The following LGSN variants were observed in gnomAD, a reference collection of about 807,000 sequenced individuals.
The protein encoded by LGSN is lengsin.
A neutral mutation model predicts 19.5 loss-of-function variants in LGSN; 21 were observed. The ratio of observed to expected loss-of-function variants is 1.07; its 90% CI spans 0.76 to 1.55. The LOEUF is 1.55. LGSN is among the 40% of genes most tolerant of loss of function. The probability of loss-of-function intolerance (pLI) is 0.00; values close to 1 mark genes in which losing one functional copy is unlikely to be tolerated. For synonymous variants in LGSN, 257 were observed against 215.6 expected (o/e 1.19, Z -1.68); for missense variants, 673 against 608.5 (o/e 1.11, Z -1.12).
At chr6:63,372,204 G>T in the LGSN span, among the ~76,000 whole-genome samples, 1 of 152,284 alleles carries the variant, frequency 6.6e-6, no homozygotes, top group African/African-American at 2.4e-5. Flanking sequence ...AAGACCCCAG[G>T]TGGGCTGCTT....
chr6:63,459,738 A>T, the LGSN span, among the ~76,000 whole-genome samples: 1 of 152,030 alleles, frequency 6.6e-6, no homozygotes, highest in African/African-American at 2.4e-5. Flanking sequence ...ACATGATGAA[A>T]CCCTGTCTCT....
At chr6:63,469,609 A>G in the LGSN span, among the ~76,000 whole-genome samples, 1 of 152,236 alleles carries the variant, frequency 6.6e-6, no homozygotes, top group Non-Finnish European at 1.5e-5. Flanking sequence ...GTTGGAATTT[A>G]TCATACTGGA....
chr6:63,494,208 C>T, the LGSN span, among the ~76,000 whole-genome samples: 6 of 152,052 alleles, frequency 3.9e-5, no homozygotes, highest in Admixed American at 6.6e-5. Context: ...CCTCAGCCTC[C>T]TAAAGTGCTG....
chr6:63,506,510 TC>T, the LGSN span, among the ~76,000 whole-genome samples: 39 of 151,750 alleles, frequency 2.6e-4, no homozygotes, highest in East Asian at 7.6e-3. Context: ...TGATCCACCC[TC>T]CTTGGCCTCC....
the LGSN span, among the ~76,000 whole-genome samples, chr6:63,420,732 T>C: frequency 2.7e-3 from 405 of 152,276 alleles, 1 homozygote; most frequent in African/African-American, 7.6e-3. Flanking sequence ...CAGGTTTCCA[T>C]TGAAAATCAT....
chr6:63,400,649 C>T, the LGSN span, among the ~76,000 whole-genome samples: 2 of 152,200 alleles, frequency 1.3e-5, no homozygotes, highest in Non-Finnish European at 2.9e-5. Context: ...GTCCATCAAA[C>T]TGGCATCATT....
chr6:63,477,692 T>TC, the LGSN span, among the ~76,000 whole-genome samples: 4 of 109,746 alleles, frequency 3.6e-5, no homozygotes, highest in Non-Finnish European at 6.8e-5. Context: ...TTTTTCTTTT[T>TC]TTTTTTTTTT....
At chr6:63,407,138 C>A in the LGSN span, among the ~76,000 whole-genome samples, 1 of 151,758 alleles carries the variant, frequency 6.6e-6, no homozygotes, top group Non-Finnish European at 1.5e-5. Context: ...GAAACTATTC[C>A]AATCAATAGA....
chr6:63,472,706 T>C, the LGSN span, among the ~76,000 whole-genome samples: 70,304 of 151,672 alleles, frequency 0.46, 18,082 homozygotes, highest in Non-Finnish European at 0.56. Flanking sequence ...TTTGGGAGGC[T>C]GAGATGGGCA....
At chr6:63,286,624 C>T (rs1273686420) in intron 2 of LGSN, among the ~76,000 whole-genome samples, 2 of 152,094 alleles carry the variant, frequency 1.3e-5, no homozygotes, top group Non-Finnish European at 2.9e-5. Context: ...TGGCTTATTA[C>T]CACAAATTAA....
chr6:63,491,921 C>T, the LGSN span, among the ~76,000 whole-genome samples: 5 of 151,624 alleles, frequency 3.3e-5, no homozygotes, highest in South Asian at 4.2e-4. Flanking sequence ...CCCATCTACT[C>T]GGGAGGCTGA....
the LGSN span, among the ~76,000 whole-genome samples, chr6:63,388,268 T>A: frequency 6.6e-6 from 1 of 152,144 alleles, no homozygotes. Context: ...GGAAAAAGTT[T>A]AGGAAATTTC....
chr6:63,458,461 A>G, the LGSN span, among the ~76,000 whole-genome samples: 4 of 152,200 alleles, frequency 2.6e-5, no homozygotes, highest in Non-Finnish European at 4.4e-5. Flanking sequence ...AGTTTCTACA[A>G]CTATGACATT....
At chr6:63,441,841 G>A in the LGSN span, 8 of 298,550 alleles carry the variant, frequency 2.7e-5, no homozygotes, top group Non-Finnish European at 5.2e-5. Flanking sequence ...CAGCGGGGGC[G>A]CTGGTTGCTT....
At position 63,277,171 on chromosome 6, in the gene LGSN, G is replaced by A. The variant is rs1046936755; in HGVS notation, c.*2850C>T. The A allele has an allele frequency of 2.6e-5, 4 of 152,104 alleles. No homozygotes were observed. The highest frequency in any genetic ancestry group is 1.3e-4 in the Admixed American group (2 of 15,276). The allele number at this position is 152,104 out of a possible 1,614,324, so 9.4% of individuals were successfully genotyped here. A position where few individuals can be genotyped will look rare whatever the true frequency, so the allele number is the denominator to read the frequency against. On this transcript the variant is annotated 3_prime_UTR_variant, in exon 4 of 4. Coordinates refer to ENST00000370657, the MANE Select transcript of LGSN (RefSeq NM_016571.3). ...TGTTTTTAAGTTATGCTAATAATGC[G>A]AAAGGGGAAAAAACGGCTTCAAACA... is the stretch of plus-strand genomic sequence containing the variant.
chr6:63,456,784 T>A, the LGSN span, among the ~76,000 whole-genome samples: 1 of 152,020 alleles, frequency 6.6e-6, no homozygotes, highest in Non-Finnish European at 1.5e-5. Flanking sequence ...AGCACCCCCT[T>A]CATCAAAGCA....
the LGSN span, among the ~76,000 whole-genome samples, chr6:63,357,062 A>G: frequency 2.2e-5 from 3 of 137,974 alleles, no homozygotes; most frequent in Non-Finnish European, 3.0e-5. Context: ...ATTCCCACCT[A>G]TGAGTGAGAA....
chr6:63,456,037 G>A, the LGSN span, among the ~76,000 whole-genome samples: 2 of 151,840 alleles, frequency 1.3e-5, no homozygotes, highest in Non-Finnish European at 2.9e-5. Context: ...GGACCAGCCT[G>A]GCCAACATAG....
At chr6:63,431,094 T>A in the LGSN span, among the ~76,000 whole-genome samples, 2 of 152,192 alleles carry the variant, frequency 1.3e-5, no homozygotes, top group African/African-American at 4.8e-5. Context: ...ATTATCCCAT[T>A]TGATCTTCAC....
Sources: allele counts gnomAD v4.1 joint callset (sites outside exome capture counted in the v4.1 genomes callset), GRCh38; gene constraint gnomAD v4.1.1; transcripts MANE v1.5; gene names NCBI Gene and HGNC (gene_info 2026-07-23, HGNC 2026-07-21).